PARP15: variants seen among roughly 807,000 people sequenced by gnomAD.
PARP15 encodes the protein protein mono-ADP-ribosyltransferase PARP15.
A neutral mutation model predicts 62.1 loss-of-function variants in PARP15; 50 were observed. The observed-to-expected ratio is 0.81, with a 90% confidence interval of 0.64 to 1.02. PARP15 has a LOEUF of 1.02. Ranked by LOEUF, PARP15 falls within the 50% of genes least tolerant of loss-of-function variation. The pLI is 0.00. For synonymous variants in PARP15, 309 were observed against 293.1 expected (o/e 1.05, Z -0.55); for missense variants, 820 against 826.5 (o/e 0.99, Z 0.10).
At chr3:122,607,138 T>C (rs1001817707) in intron 2 of PARP15, among the ~76,000 whole-genome samples, 2 of 152,236 alleles carry the variant, frequency 1.3e-5, no homozygotes, top group Non-Finnish European at 2.9e-5. Flanking sequence ...GACTTACTTA[T>C]AACACTGGAA....
intron 1 of PARP15, among the ~76,000 whole-genome samples, chr3:122,596,096 C>G (rs894210154): frequency 6.6e-6 from 1 of 151,990 alleles, no homozygotes; most frequent in African/African-American, 2.4e-5. Context: ...CGGTGGCTCA[C>G]TCCTGTAATC....
At chr3:122,600,978 A>AGT (rs1031723242) in intron 1 of PARP15, among the ~76,000 whole-genome samples, 6 of 144,286 alleles carry the variant, frequency 4.2e-5, no homozygotes, top group Non-Finnish European at 9.0e-5. Context: ...TAATGTCCAT[A>AGT]GTTTAGAGTT....
chr3:122,588,039 T>G (rs367560208), intron 1 of PARP15, among the ~76,000 whole-genome samples: 2 of 152,214 alleles, frequency 1.3e-5, no homozygotes, highest in African/African-American at 4.8e-5. Flanking sequence ...TGCAAAAATT[T>G]TCTCCCAGTC....
intron 1 of PARP15, among the ~76,000 whole-genome samples, chr3:122,589,611 A>C (rs1933710459): frequency 6.6e-6 from 1 of 152,094 alleles, no homozygotes; most frequent in South Asian, 2.1e-4. Flanking sequence ...TTTGATTTCC[A>C]CTTTCTTAAT....
At chr3:122,580,182 T>G (rs998499328) in intron 1 of PARP15, among the ~76,000 whole-genome samples, 29 of 150,438 alleles carry the variant, frequency 1.9e-4, no homozygotes, top group Non-Finnish European at 5.9e-5. Flanking sequence ...TGGAGTTGGT[T>G]GTTGTTCAAG....
intron 3 of PARP15, among the ~76,000 whole-genome samples, chr3:122,612,344 T>G (rs188213571): frequency 2.0e-4 from 31 of 151,864 alleles, no homozygotes; most frequent in African/African-American, 7.0e-4. Context: ...TGTGAACCAC[T>G]GTGTTAGGCC....
rs1937368841 is a variant in PARP15, at chr3:122,636,288, T to C, written c.*188T>C. On this transcript the variant is annotated 3_prime_UTR_variant, in exon 12 of 12. Coordinates refer to ENST00000464300, the MANE Select transcript of PARP15 (RefSeq NM_001113523.3). ...ATACCTTTTTTTCTCAGCAAATTGA[T>C]GGGTGGAAGCTGAGAAATGTATGGT... 1 of 591,126 alleles carries C rather than the reference T, an allele frequency of 1.7e-6. No homozygotes were observed. The highest frequency in any genetic ancestry group is 2.9e-6 in the Non-Finnish European group (1 of 339,320). 36.6% of individuals were successfully genotyped at this position (591,126 alleles called of 1,614,324 possible).
intron 1 of PARP15, among the ~76,000 whole-genome samples, chr3:122,592,007 T>G (rs1488254509): frequency 7.9e-5 from 12 of 152,286 alleles, no homozygotes; most frequent in Admixed American, 6.5e-4. Context: ...GTAAATTAGT[T>G]CAACCATTGT....
At chr3:122,594,768 T>C in intron 1 of PARP15, 1 of 980,620 alleles carries the variant, frequency 1.0e-6, no homozygotes, top group South Asian at 4.7e-5. Context: ...TTTATTAATG[T>C]TTGTGATGGA....
intron 6 of PARP15, 118 bp from the exon 7 acceptor site, chr3:122,619,663 G>T: frequency 2.4e-6 from 2 of 840,888 alleles, no homozygotes; most frequent in Non-Finnish European, 2.0e-6. Context: ...GTCGGGCGTG[G>T]GGGTGGTCAA....
At chr3:122,623,259 C>T (rs1476151360) in intron 8 of PARP15, among the ~76,000 whole-genome samples, 2 of 152,156 alleles carry the variant, frequency 1.3e-5, no homozygotes, top group African/African-American at 4.8e-5. Context: ...TTGTTTTGTT[C>T]CCATCACCCA....
At chr3:122,614,468 AAGC>A (rs1935803880) in intron 4 of PARP15, among the ~76,000 whole-genome samples, 1 of 152,204 alleles carries the variant, frequency 6.6e-6, no homozygotes, top group Non-Finnish European at 1.5e-5. Flanking sequence ...TGTAGTTTGT[AAGC>A]AAATTTATCC....
intron 1 of PARP15, among the ~76,000 whole-genome samples, chr3:122,599,911 C>T (rs1228363745): frequency 2.0e-5 from 3 of 152,140 alleles, no homozygotes; most frequent in African/African-American, 4.8e-5. Flanking sequence ...CTCACAGGCT[C>T]ATTGTTAAGA....
rs1934634954 is a variant in PARP15, at chr3:122,599,548, CTT to C, written c.187-6386_187-6385del. 3.7e-5 allele frequency among the ~76,000 whole-genome samples: 5 copies of C among 134,902 alleles called. No homozygotes were observed. The Admixed American group carries it at 3.9e-4, about 10-fold the overall frequency. The allele number at this position is 134,902 out of a possible 152,430, so 88.5% of individuals were successfully genotyped here. A position where few individuals can be genotyped will look rare whatever the true frequency, so the allele number is the denominator to read the frequency against. ...CTTTTCTTTCCTTTCCTTTCTCTCTCTTTCTTTCTTTTTCTTTCCTTTTCTTC... is the reference window on the plus strand; with the variant it reads ...CTTTTCTTTCCTTTCCTTTCTCTCTCTCTTTCTTTTTCTTTCCTTTTCTTC... On this transcript the variant is annotated intron_variant, in intron 1 of 11. Coordinates refer to ENST00000464300, the MANE Select transcript of PARP15 (RefSeq NM_001113523.3).
At chr3:122,586,874 A>C (rs1015896731) in intron 1 of PARP15, among the ~76,000 whole-genome samples, 2 of 152,182 alleles carry the variant, frequency 1.3e-5, no homozygotes, top group African/African-American at 2.4e-5. Flanking sequence ...GATTTTGACA[A>C]TGTTTAATAA....
At chr3:122,589,303 C>T (rs116009358) in intron 1 of PARP15, among the ~76,000 whole-genome samples, 2,047 of 152,262 alleles carry the variant, frequency 0.013, 42 homozygotes, top group African/African-American at 0.046. Flanking sequence ...AATTGTCTCC[C>T]GAGAGCCCCA....
At chr3:122,627,832 A>C (rs1247128640) in intron 9 of PARP15, among the ~76,000 whole-genome samples, 1 of 152,258 alleles carries the variant, frequency 6.6e-6, no homozygotes, top group Non-Finnish European at 1.5e-5. Flanking sequence ...TACAACACAC[A>C]ATACATGTAG....
Position 122,606,013 on chromosome 3 carries a change from T to G in PARP15, c.264T>G (p.Gly88=). 6.4e-7 allele frequency: 1 copy of G among 1,552,080 alleles called. No individual in the cohort carries two copies. Among genetic ancestry groups the G allele is most frequent in the Middle Eastern group, 1.7e-4 (1 of 5,990 alleles). The change falls in exon 2 of 12, where the codon GGT becomes GGG. Residue 88 remains glycine, a synonymous_variant. Coordinates refer to ENST00000464300, the MANE Select transcript of PARP15 (RefSeq NM_001113523.3). ...NVVASIQTKE[G]LNLKLISGDV... is the part of the protein sequence containing the mutation. ...TAGCTTCAATCCAAACCAAAGAAGG[T>G]CTGAATCTCAAGTTGATAAGTGGAG...
intron 8 of PARP15, among the ~76,000 whole-genome samples, chr3:122,623,514 T>C (rs1461580560): frequency 6.6e-6 from 1 of 152,116 alleles, no homozygotes; most frequent in Non-Finnish European, 1.5e-5. Flanking sequence ...CAGTGAGAAA[T>C]GCCCACAGGT....
Sources: allele counts gnomAD v4.1 joint callset (sites outside exome capture counted in the v4.1 genomes callset), GRCh38; gene constraint gnomAD v4.1.1; transcripts MANE v1.5; gene names NCBI Gene and HGNC (gene_info 2026-07-23, HGNC 2026-07-21).